Variants in GPI observed in about 807,000 individuals in gnomAD.
The protein encoded by GPI is glucose-6-phosphate isomerase, also known as D-hexose-6-phosphate anomerase.
GPI carries 56 observed loss-of-function variants against 75.8 expected under a neutral mutation model. That is an observed-to-expected ratio of 0.74 (90% CI 0.60 to 0.92). The LOEUF (loss-of-function observed/expected upper bound fraction) is 0.92. GPI is among the 40% of genes least tolerant of loss of function. The pLI is 0.00. For synonymous variants in GPI, 288 were observed against 285.4 expected (o/e 1.01, Z -0.09); for missense variants, 638 against 741.0 (o/e 0.86, Z 1.61).
In GPI at chr19:34,376,736, C is replaced by A. The variant is rs550305522; in HGVS notation, c.403-767C>A. Among the ~76,000 whole-genome samples, 40 of 152,082 alleles carry A rather than the reference C, an allele frequency of 2.6e-4. No individual in the cohort carries two copies. The South Asian group carries it at 7.9e-3, about 30-fold the overall frequency. ...CAGCCTTGAGCCACCCTGCCTGGCC[C>A]CTAAGGCACAGTTTTAAAAATAAGT... On this transcript the variant is annotated intron_variant, in intron 4 of 17. Coordinates refer to ENST00000356487, the MANE Select transcript of GPI (RefSeq NM_000175.5).
chr19:34,371,864 A>G (rs2074458363), intron 4 of GPI, among the ~76,000 whole-genome samples: 1 of 151,700 alleles, frequency 6.6e-6, no homozygotes, highest in Non-Finnish European at 1.5e-5. Context: ...CAAAAAGAAA[A>G]AAAAAAAGAC....
intron 7 of GPI, 79 bp downstream of exon 7, chr19:34,379,084 T>A: frequency 8.2e-7 from 1 of 1,224,618 alleles, no homozygotes; most frequent in East Asian, 2.3e-5. Flanking sequence ...TGACCAAGTC[T>A]GGCCGTGTTT....
chr19:34,389,263 C>T (rs2074786565), intron 9 of GPI, among the ~76,000 whole-genome samples: 1 of 152,142 alleles, frequency 6.6e-6, no homozygotes, highest in Non-Finnish European at 1.5e-5. Flanking sequence ...CCAGAAACCT[C>T]TCGGCCACAC....
chr19:34,381,233 G>T, intron 8 of GPI: 1 of 598,324 alleles, frequency 1.7e-6, no homozygotes, highest in South Asian at 1.9e-5. Context: ...GGCTTTGCAG[G>T]CACAACGTCA....
chr19:34,395,706 G>T (rs987200571), intron 12 of GPI, among the ~76,000 whole-genome samples: 2 of 152,164 alleles, frequency 1.3e-5, no homozygotes, highest in Non-Finnish European at 2.9e-5. Flanking sequence ...AAGCAGGAAA[G>T]GTTGGGAGGC....
At chr19:34,364,041 T>G (rs1379320365), upstream of GPI, among the ~76,000 whole-genome samples, 2 of 152,076 alleles carry the variant, frequency 1.3e-5, no homozygotes, top group Non-Finnish European at 2.9e-5. Flanking sequence ...TTTCTTTTCT[T>G]TTTTTTAAGA....
chr19:34,366,702 G>A, intron 2 of GPI, 81 bp from the exon 3 acceptor site: 1 of 959,336 alleles, frequency 1.0e-6, no homozygotes, highest in East Asian at 2.4e-5. Flanking sequence ...ATTGGGGACA[G>A]CACCAAGCCT....
At chr19:34,367,230 A>G (rs907724624) in intron 3 of GPI, 24 of 360,818 alleles carry the variant, frequency 6.7e-5, no homozygotes, top group African/African-American at 1.5e-4. Flanking sequence ...GTAGGAGTCA[A>G]TAGGAAGCAG....
intron 9 of GPI, among the ~76,000 whole-genome samples, chr19:34,386,096 A>C (rs1484722515): frequency 6.6e-6 from 1 of 150,448 alleles, no homozygotes; most frequent in Non-Finnish European, 1.5e-5. Flanking sequence ...GCTGCCTGCC[A>C]GGTATGGTCT....
At chr19:34,374,636 C>T (rs187706857) in intron 4 of GPI, among the ~76,000 whole-genome samples, 12 of 152,258 alleles carry the variant, frequency 7.9e-5, no homozygotes, top group African/African-American at 2.9e-4. Context: ...AATTACCCCT[C>T]ACACACCCAG....
chr19:34,360,708 G>A (rs1425743188), upstream of GPI, among the ~76,000 whole-genome samples: 1 of 152,196 alleles, frequency 6.6e-6, no homozygotes, highest in East Asian at 1.9e-4. Flanking sequence ...AGGAGCACAG[G>A]TCTCAGGAAG....
intron 1 of GPI, 191 bp from the exon 2 acceptor site, chr19:34,366,154 C>G: frequency 1.4e-6 from 1 of 699,042 alleles, no homozygotes; most frequent in Non-Finnish European, 2.6e-6. Context: ...TGGCTTCTTT[C>G]TCTGGGCTGC....
intron 12 of GPI, among the ~76,000 whole-genome samples, chr19:34,394,907 T>C (rs1198267828): frequency 6.6e-6 from 1 of 151,958 alleles, no homozygotes; most frequent in Non-Finnish European, 1.5e-5. Flanking sequence ...GGAAACGGGG[T>C]TTCACTATGT....
chr19:34,365,250 T>G lies in GPI; in HGVS notation c.-17T>G. 6 of 1,551,784 alleles carry G rather than the reference T, an allele frequency of 3.9e-6. No individual in the cohort carries two copies. The highest frequency in any genetic ancestry group is 5.2e-6 in the Non-Finnish European group (6 of 1,152,668). The stretch of plus-strand genomic sequence containing the variant: ...TCCTCGGCTCGCGTCTCACTCAGTG[T>G]ACCTTCTAGTCCCGCCATGGCCGCT... On this transcript the variant is annotated 5_prime_UTR_variant, in exon 1 of 18. Transcript: ENST00000356487.
intron 9 of GPI, among the ~76,000 whole-genome samples, chr19:34,390,082 G>A (rs1427246643): frequency 6.6e-6 from 1 of 152,096 alleles, no homozygotes; most frequent in Non-Finnish European, 1.5e-5. Flanking sequence ...GAGGTGGGGT[G>A]AGGCACAGGT....
At chr19:34,391,939 G>A (rs2074847213) in intron 9 of GPI, among the ~76,000 whole-genome samples, 1 of 514 alleles carries the variant, frequency 1.9e-3, no homozygotes, top group Non-Finnish European at 4.9e-3. Flanking sequence ...TGTCATGTCT[G>A]GAGGTAAGAT....
At position 34,391,342 on chromosome 19, in the gene GPI, G is replaced by A. The variant is rs796101101; in HGVS notation, c.805-1906G>A. Among the ~76,000 whole-genome samples, 5 of 1,034 alleles carry A rather than the reference G, an allele frequency of 4.8e-3. No individual in the cohort carries two copies. The Admixed American group carries it at 0.054, about 11-fold the overall frequency. The allele number at this position is 1,034 out of a possible 152,430, so 0.7% of individuals were successfully genotyped here. A position where few individuals can be genotyped will look rare whatever the true frequency, so the allele number is the denominator to read the frequency against. ...ATCTAGGACTGTCCATGTCTGAGGA[G>A]TTACCATCTGGTACAGGAATGAGGA... On this transcript the variant is annotated intron_variant, in intron 9 of 17. Coordinates refer to ENST00000356487, the MANE Select transcript of GPI (RefSeq NM_000175.5).
upstream of GPI, among the ~76,000 whole-genome samples, chr19:34,362,697 A>G (rs1397100075): frequency 2.0e-5 from 3 of 152,200 alleles, no homozygotes; most frequent in African/African-American, 7.2e-5. Context: ...GAACCTGGGC[A>G]CTGTGAGATT....
intron 9 of GPI, among the ~76,000 whole-genome samples, chr19:34,387,002 A>T (rs907376935): frequency 1.3e-5 from 2 of 152,212 alleles, no homozygotes; most frequent in African/African-American, 4.8e-5. Flanking sequence ...AGACATGAAA[A>T]GCCAAGCCAG....
Sources: gnomAD v4.1 joint callset for allele counts (sites outside exome capture counted in the v4.1 genomes callset) on GRCh38, gnomAD v4.1.1 for gene constraint, MANE v1.5 for transcripts, NCBI Gene and HGNC (gene_info 2026-07-23, HGNC 2026-07-21) for gene names.